Variants in NLGN1 observed in about 807,000 individuals in gnomAD.
NLGN1 encodes neuroligin-1.
A neutral mutation model predicts 65.5 loss-of-function variants in NLGN1; 12 were observed. That is an observed-to-expected ratio of 0.18 (90% CI 0.12 to 0.30). NLGN1 has a LOEUF of 0.30. Among genes scored for constraint, NLGN1 ranks in the 10% least tolerant of loss-of-function variants. The pLI is 1.00. For missense variants in NLGN1, 750 were observed against 1,007.1 expected, an observed-to-expected ratio of 0.74 and a Z score of 3.46; for synonymous variants, 350 against 359.5, an observed-to-expected ratio of 0.97 and a Z score of 0.30.
intron 3 of NLGN1, among the ~76,000 whole-genome samples, chr3:173,635,010 T>C (rs1756355177): frequency 6.6e-6 from 1 of 152,170 alleles, no homozygotes; most frequent in East Asian, 1.9e-4. Context: ...TTTTAATCTC[T>C]TCTAAAATAT....
intron 4 of NLGN1, among the ~76,000 whole-genome samples, chr3:173,823,390 A>G (rs1720705707): frequency 6.6e-6 from 1 of 152,106 alleles, no homozygotes; most frequent in Admixed American, 6.6e-5. Flanking sequence ...TAATATATCC[A>G]AAATATTATC....
At chr3:173,439,876 T>C (rs1718851551) in intron 2 of NLGN1, among the ~76,000 whole-genome samples, 1 of 152,052 alleles carries the variant, frequency 6.6e-6, no homozygotes, top group Admixed American at 6.6e-5. Flanking sequence ...AAAATTGGGG[T>C]GACTCTGGGA....
intron 4 of NLGN1, among the ~76,000 whole-genome samples, chr3:174,167,373 G>A (rs1727689210): frequency 6.6e-6 from 1 of 152,064 alleles, no homozygotes; most frequent in South Asian, 2.1e-4. Context: ...AGGATCTCTT[G>A]TAAGGCTGTT....
intron 4 of NLGN1, among the ~76,000 whole-genome samples, chr3:174,205,128 G>A (rs1474251274): frequency 6.6e-6 from 1 of 151,938 alleles, no homozygotes; most frequent in Non-Finnish European, 1.5e-5. Flanking sequence ...ATTTTTATAT[G>A]TTCAACTAAT....
At chr3:173,724,526 T>C in intron 3 of NLGN1, 1 of 160,826 alleles carries the variant, frequency 6.2e-6, no homozygotes, top group Non-Finnish European at 1.4e-5. Context: ...TCTGCCCACC[T>C]CAGCGTCCAA....
At chr3:173,864,875 G>C (rs1729819092) in intron 4 of NLGN1, among the ~76,000 whole-genome samples, 1 of 152,160 alleles carries the variant, frequency 6.6e-6, no homozygotes, top group Non-Finnish European at 1.5e-5. Context: ...GTGGAGGAGA[G>C]AGATGGAAAA....
rs1166300231 is a variant in NLGN1, at chr3:173,806,396, G to A, written c.494-1284G>A. ...AGTCCATTCTGAAAACTGGCACCTC[G>A]ATTATAAGGATGTTGGAGAGTTAAA... On this transcript the variant is annotated intron_variant, in intron 3 of 6. Transcript: ENST00000457714. Among the ~76,000 whole-genome samples the A allele has an allele frequency of 4.6e-5, 7 of 151,986 alleles. No homozygotes were observed. In the South Asian group the frequency reaches 6.2e-4, roughly 13 times the overall value.
intron 1 of NLGN1, among the ~76,000 whole-genome samples, chr3:173,415,286 A>G (rs908059078): frequency 6.6e-6 from 1 of 152,206 alleles, no homozygotes; most frequent in Non-Finnish European, 1.5e-5. Flanking sequence ...CTCCTATTAT[A>G]TAGGGATTGC....
chr3:173,412,752 C>T (rs993337180), intron 1 of NLGN1, among the ~76,000 whole-genome samples: 3 of 152,160 alleles, frequency 2.0e-5, no homozygotes, highest in African/African-American at 7.2e-5. Context: ...TAGTACTGCT[C>T]AGCCTTCCTC....
intron 4 of NLGN1, among the ~76,000 whole-genome samples, chr3:174,210,677 C>T (rs1438961551): frequency 2.0e-5 from 3 of 152,196 alleles, no homozygotes; most frequent in Non-Finnish European, 4.4e-5. Flanking sequence ...CCAGCTCTCA[C>T]CTTCAGAGCT....
chr3:173,782,117 T>C (rs897945862), intron 3 of NLGN1, among the ~76,000 whole-genome samples: 1 of 152,130 alleles, frequency 6.6e-6, no homozygotes, highest in African/African-American at 2.4e-5. Flanking sequence ...TAGTTTTCTT[T>C]GTCTAGGGTA....
rs184579800 is a variant in NLGN1 at position 174,068,951 on chromosome 3, C to T, written c.647-206364C>T. 1.0e-3 allele frequency among the ~76,000 whole-genome samples: 157 copies of T among 152,116 alleles called. 1 individual carries two copies. Among genetic ancestry groups the T allele is most frequent in the African/African-American group, 3.4e-3 (142 of 41,504 alleles). ...TTTATTTAACACCTGTAACATGCCA[C>T]GTGAGAGAAATGAGTTGGTGGGAGA... On this transcript the variant is annotated intron_variant, in intron 4 of 6. Transcript: ENST00000457714.
At chr3:173,749,873 C>T (rs988222198) in intron 3 of NLGN1, among the ~76,000 whole-genome samples, 4 of 152,058 alleles carry the variant, frequency 2.6e-5, no homozygotes, top group Non-Finnish European at 4.4e-5. Flanking sequence ...TATTACATTC[C>T]AGTCTTCCTA....
chr3:174,270,870 T>A (rs1206205450), intron 4 of NLGN1, among the ~76,000 whole-genome samples: 1 of 151,850 alleles, frequency 6.6e-6, no homozygotes, highest in Non-Finnish European at 1.5e-5. Context: ...CAGTTTTAAA[T>A]CCTTTTATGT....
intron 4 of NLGN1, among the ~76,000 whole-genome samples, chr3:174,064,295 G>T (rs1389607092): frequency 1.3e-5 from 2 of 152,002 alleles, no homozygotes; most frequent in Non-Finnish European, 2.9e-5. Context: ...AATATTTTTT[G>T]GTGAATTATT....
chr3:173,623,504 T>C (rs1754344852), intron 3 of NLGN1, among the ~76,000 whole-genome samples: 1 of 152,068 alleles, frequency 6.6e-6, no homozygotes, highest in African/African-American at 2.4e-5. Context: ...CAGGTCACTA[T>C]GGAAGGAGAG....
intron 4 of NLGN1, among the ~76,000 whole-genome samples, chr3:173,965,244 C>T (rs1215415526): frequency 2.0e-5 from 3 of 151,996 alleles, no homozygotes; most frequent in African/African-American, 7.2e-5. Context: ...TCCATGTTTT[C>T]CAAACTTGTT....
chr3:173,482,301 A>G (rs1269590293), intron 2 of NLGN1, among the ~76,000 whole-genome samples: 2 of 151,836 alleles, frequency 1.3e-5, no homozygotes, highest in Non-Finnish European at 2.9e-5. Flanking sequence ...GTGTGAGAGG[A>G]GGACGTCAAC....
At chr3:173,909,348 A>G (rs1284501046) in intron 4 of NLGN1, among the ~76,000 whole-genome samples, 1 of 152,084 alleles carries the variant, frequency 6.6e-6, no homozygotes, top group African/African-American at 2.4e-5. Context: ...TACACTGCAG[A>G]TCATTCTTTA....
Sources: gnomAD v4.1 joint callset for allele counts (sites outside exome capture counted in the v4.1 genomes callset) on GRCh38, gnomAD v4.1.1 for gene constraint, MANE v1.5 for transcripts, NCBI Gene and HGNC (gene_info 2026-07-23, HGNC 2026-07-21) for gene names.